Variants in RAB30 observed in about 807,000 individuals in gnomAD.
The protein encoded by RAB30 is RAB30, member RAS oncogene family.
A neutral mutation model predicts 25.1 loss-of-function variants in RAB30; 9 were observed. The observed-to-expected ratio is 0.36, with a 90% confidence interval of 0.22 to 0.63. The LOEUF is 0.63. Ranked by LOEUF, RAB30 falls within the 20% of genes least tolerant of loss-of-function variation. RAB30 has a pLI of 0.69. For synonymous variants in RAB30, 77 were observed against 86.4 expected (o/e 0.89, Z 0.60); for missense variants, 140 against 243.5 (o/e 0.58, Z 2.83).
At chr11:83,045,212 AT>A (rs11379378) in intron 1 of RAB30, among the ~76,000 whole-genome samples, 6 of 151,318 alleles carry the variant, frequency 4.0e-5, no homozygotes, top group African/African-American at 7.3e-5. Flanking sequence ...TTCTGTAAAC[AT>A]TTTTTTTTAT....
intron 1 of RAB30, among the ~76,000 whole-genome samples, chr11:83,061,148 C>A (rs1035663172): frequency 6.6e-6 from 1 of 152,114 alleles, no homozygotes; most frequent in Non-Finnish European, 1.5e-5. Context: ...TCATAGACAG[C>A]CTGTCATGGG....
Position 83,006,548 on chromosome 11 carries a change from TATA to T in RAB30, c.-8-9227_-8-9225del, listed in dbSNP as rs142176092. On this transcript the variant is annotated intron_variant, in intron 1 of 4. Coordinates refer to ENST00000527633, the MANE Select transcript of RAB30 (RefSeq NM_001286060.2). ...CAACAGTAGTTGCCCCTGGGGAGGC[TATA>T]ATATTTAGCTCTTTCTAGGAAAGAA... Among the ~76,000 whole-genome samples, 1,370 of 152,356 alleles carry T rather than the reference TATA, an allele frequency of 9.0e-3. 13 individuals carry two copies. The highest frequency in any genetic ancestry group is 0.044 in the Middle Eastern group (13 of 294).
At chr11:83,049,035 G>A (rs1858295048) in intron 1 of RAB30, among the ~76,000 whole-genome samples, 1 of 152,180 alleles carries the variant, frequency 6.6e-6, no homozygotes, top group Non-Finnish European at 1.5e-5. Context: ...ATGTAAAGAG[G>A]GGCAGACTGC....
intron 1 of RAB30, among the ~76,000 whole-genome samples, chr11:83,026,466 C>T (rs913659179): frequency 4.6e-5 from 7 of 151,834 alleles, no homozygotes; most frequent in African/African-American, 1.7e-4. Flanking sequence ...TACGGCACCT[C>T]TGTCCTCACT....
At chr11:83,003,219 A>G (rs1040610437) in intron 1 of RAB30, among the ~76,000 whole-genome samples, 22 of 152,234 alleles carry the variant, frequency 1.4e-4, no homozygotes, top group African/African-American at 5.3e-4. Flanking sequence ...TGAGAGGCAA[A>G]TAAGATAATA....
chr11:83,049,432 CA>C (rs1187552778), intron 1 of RAB30, among the ~76,000 whole-genome samples: 2 of 142,820 alleles, frequency 1.4e-5, no homozygotes, highest in African/African-American at 5.2e-5. Flanking sequence ...AGGAGGCCAA[CA>C]TTTGCCTGGT....
intron 1 of RAB30, among the ~76,000 whole-genome samples, chr11:83,032,556 C>G (rs890110110): frequency 6.6e-6 from 1 of 152,182 alleles, no homozygotes; most frequent in African/African-American, 2.4e-5. Flanking sequence ...TCTTGAACTC[C>G]TGGCCTCAAG....
chr11:82,997,969 C>T (rs564370461), intron 1 of RAB30, among the ~76,000 whole-genome samples: 1 of 152,226 alleles, frequency 6.6e-6, no homozygotes, highest in South Asian at 2.1e-4. Flanking sequence ...ATTTCTTCTG[C>T]CTGGGATGCC....
At chr11:83,001,661 G>A (rs182306806) in intron 1 of RAB30, among the ~76,000 whole-genome samples, 18 of 152,192 alleles carry the variant, frequency 1.2e-4, no homozygotes, top group African/African-American at 4.1e-4. Context: ...ACTCTTTGAC[G>A]AAGCCCTTCT....
intron 1 of RAB30, among the ~76,000 whole-genome samples, chr11:83,069,823 C>T (rs550484892): frequency 6.6e-6 from 1 of 152,294 alleles, no homozygotes; most frequent in East Asian, 1.9e-4. Flanking sequence ...TTATGTCTGT[C>T]ACAGGAACTA....
In RAB30 at chr11:82,994,107, C is replaced by G. The variant is rs1463730087; in HGVS notation, c.109G>C (p.Gly37Arg). 1.2e-6 allele frequency: 2 copies of G among 1,609,116 alleles called. No individual in the cohort carries two copies. Among genetic ancestry groups the G allele is most frequent in the African/African-American group, 2.7e-5 (2 of 74,754 alleles). Residue 37 changes from glycine to arginine, a missense_variant, in exon 3 of 5, where the codon GGT becomes CGT. By Grantham distance (125) the Gly-to-Arg change is moderately radical. Coordinates refer to ENST00000527633, the MANE Select transcript of RAB30 (RefSeq NM_001286060.2). The part of the protein sequence containing the change: ...RRFTQGLFPP[G>R]QGATIGVDFM... ...TCAACTCCAATTGTGGCTCCTTGAC[C>G]TGGGGGGAAAAGACCCTGAAGAAGA...
intron 1 of RAB30, among the ~76,000 whole-genome samples, chr11:83,062,917 C>T (rs1305523358): frequency 1.3e-5 from 2 of 151,238 alleles, no homozygotes; most frequent in Admixed American, 6.6e-5. Context: ...GCAAGAGAAT[C>T]GCTTGAACCC....
chr11:83,015,375 G>GGAAA (rs561612940), intron 1 of RAB30, among the ~76,000 whole-genome samples: 160 of 152,058 alleles, frequency 1.1e-3, no homozygotes, highest in African/African-American at 3.6e-3. Context: ...AAAGAGGATG[G>GGAAA]GAAAGAAAGA....
intron 1 of RAB30, among the ~76,000 whole-genome samples, chr11:83,011,624 C>A (rs1213161382): frequency 6.6e-6 from 1 of 152,112 alleles, no homozygotes; most frequent in Non-Finnish European, 1.5e-5. Flanking sequence ...CAAGAAGATA[C>A]AATGATGTAC....
chr11:83,032,442 T>G (rs978181259), intron 1 of RAB30, among the ~76,000 whole-genome samples: 15 of 152,190 alleles, frequency 9.9e-5, no homozygotes, highest in African/African-American at 3.6e-4. Flanking sequence ...GACAAACAGC[T>G]TCTAGGATAC....
chr11:83,000,808 C>T (rs1857062117), intron 1 of RAB30, among the ~76,000 whole-genome samples: 1 of 151,798 alleles, frequency 6.6e-6, no homozygotes, highest in Non-Finnish European at 1.5e-5. Flanking sequence ...AATCCCAGCA[C>T]TTTGGGAGGC....
intron 1 of RAB30, among the ~76,000 whole-genome samples, chr11:83,036,722 G>A (rs1456286905): frequency 6.6e-6 from 1 of 152,320 alleles, no homozygotes; most frequent in Admixed American, 6.5e-5. Flanking sequence ...GCCTCTCTGA[G>A]AAAGTGAGAT....
chr11:83,001,795 T>C (rs924161117), intron 1 of RAB30, among the ~76,000 whole-genome samples: 2 of 152,090 alleles, frequency 1.3e-5, no homozygotes, highest in African/African-American at 2.4e-5. Flanking sequence ...ACAACAAAAG[T>C]CATGCCTCAT....
rs1324364253 is a variant in RAB30 at position 82,981,629 on chromosome 11, CA to C, written c.*535del. 6 of 153,154 alleles carry C rather than the reference CA, an allele frequency of 3.9e-5. No homozygotes were observed. Among genetic ancestry groups the C allele is most frequent in the Non-Finnish European group, 5.8e-5 (4 of 68,450 alleles). The allele number at this position is 153,154 out of a possible 1,614,324, so 9.5% of individuals were successfully genotyped here. A position where few individuals can be genotyped will look rare whatever the true frequency, so the allele number is the denominator to read the frequency against. ...AAGGTTTCATTTCATTTTTACATCC[CA>C]AAGTTCTTGAAAGTGCCTGTGGACA... On this transcript the variant is annotated 3_prime_UTR_variant, in exon 5 of 5. Transcript: ENST00000527633.
Sources: allele counts gnomAD v4.1 joint callset (sites outside exome capture counted in the v4.1 genomes callset), GRCh38; gene constraint gnomAD v4.1.1; transcripts MANE v1.5; gene names NCBI Gene and HGNC (gene_info 2026-07-23, HGNC 2026-07-21).